Variants in PIGG observed in about 807,000 individuals in gnomAD.
The protein encoded by PIGG is GPI ethanolamine phosphate transferase 2, catalytic subunit.
In PIGG, 70 loss-of-function variants were observed where a neutral mutation model predicts 83.2. That is an observed-to-expected ratio of 0.84 (90% CI 0.69 to 1.03). The LOEUF (loss-of-function observed/expected upper bound fraction) is 1.03. PIGG is among the 50% of genes least tolerant of loss of function. The pLI is 0.00. For synonymous variants in PIGG, 532 were observed against 519.5 expected (o/e 1.02, Z -0.33); for missense variants, 1,257 against 1,233.6 (o/e 1.02, Z -0.28).
chr4:530,558 G>A lies in PIGG; in HGVS notation c.2384G>A (p.Trp795Ter). 1 of 1,613,624 alleles carries A rather than the reference G, an allele frequency of 6.2e-7. No individual in the cohort carries two copies. The highest frequency in any genetic ancestry group is 2.2e-5 in the East Asian group (1 of 44,880). Residue 795 changes from tryptophan (W) to a stop codon, truncating the protein, a stop_gained, in exon 11 of 13, where the codon TGG becomes TAG. Transcript: ENST00000453061. LOFTEE classifies it high-confidence loss of function. ...ADFKLKTVGL[W>*]EIYSGLVLLA... ...TTCAAACTCAAGACTGTAGGTTTAT[G>A]GGAGATATATAGTGGATTAGTTCTT...
At position 507,635 on chromosome 4, in the gene PIGG, C is replaced by A; in HGVS notation, c.759+42C>A. ...CTCACTGTCTGCTGATGTGGTTTCACGTGGATGTTCCCTAGAATAAATGCA... is the reference window on the plus strand; with the variant it reads ...CTCACTGTCTGCTGATGTGGTTTCAAGTGGATGTTCCCTAGAATAAATGCA... On this transcript the variant is annotated intron_variant, in intron 4 of 12. Transcript: ENST00000453061. 4 of 1,514,032 alleles carry A rather than the reference C, an allele frequency of 2.6e-6. 1 individual carries two copies. In the South Asian group the frequency reaches 4.8e-5, roughly 18 times the overall value. The allele number at this position is 1,514,032 out of a possible 1,614,324, so 93.8% of individuals were successfully genotyped here.
intron 6 of PIGG, among the ~76,000 whole-genome samples, chr4:518,287 G>C (rs950156416): frequency 2.0e-5 from 3 of 152,202 alleles, no homozygotes; most frequent in Non-Finnish European, 4.4e-5. Flanking sequence ...TCTACGCTAA[G>C]AGTGATAAAA....
At chr4:511,052 G>C (rs1721729307) in intron 5 of PIGG, among the ~76,000 whole-genome samples, 1 of 152,146 alleles carries the variant, frequency 6.6e-6, no homozygotes, top group Non-Finnish European at 1.5e-5. Context: ...CCAGCACTTT[G>C]GGAGACTGAG....
chr4:517,160 A>T (rs1437758843), intron 6 of PIGG, among the ~76,000 whole-genome samples: 1 of 152,154 alleles, frequency 6.6e-6, no homozygotes, highest in African/African-American at 2.4e-5. Flanking sequence ...TGAGAGCCAG[A>T]GTCTCCCACT....
intron 1 of PIGG, chr4:500,165 A>G: frequency 1.8e-6 from 1 of 555,028 alleles, no homozygotes; most frequent in African/African-American, 1.9e-5. Flanking sequence ...TCTTCACCAT[A>G]CTGAGGATAA....
chr4:530,228 C>A (rs1024530237), intron 10 of PIGG, among the ~76,000 whole-genome samples: 8 of 152,196 alleles, frequency 5.3e-5, no homozygotes, highest in African/African-American at 9.6e-5. Context: ...GGGCCTGTGG[C>A]GGCGGCTCCT....
At chr4:526,033 A>G (rs969643881) in intron 9 of PIGG, among the ~76,000 whole-genome samples, 3 of 152,026 alleles carry the variant, frequency 2.0e-5, no homozygotes, top group African/African-American at 7.2e-5. Flanking sequence ...TCCGCCCCAC[A>G]TGCAAGAGCC....
chr4:519,876 G>A (rs532209026), intron 6 of PIGG, among the ~76,000 whole-genome samples: 134 of 98,884 alleles, frequency 1.4e-3, no homozygotes, highest in Non-Finnish European at 1.7e-3. Flanking sequence ...GCCTGCAGGC[G>A]TGTGGGTTCA....
chr4:510,954 T>C (rs1215014602), intron 5 of PIGG, among the ~76,000 whole-genome samples: 1 of 152,054 alleles, frequency 6.6e-6, no homozygotes, highest in Admixed American at 6.6e-5. Flanking sequence ...GCTTCTTTCA[T>C]GTAGGATAGT....
chr4:522,028 C>G, intron 8 of PIGG, 87 bp downstream of exon 8: 1 of 1,435,776 alleles, frequency 7.0e-7, no homozygotes, highest in African/African-American at 1.4e-5. Flanking sequence ...GTTTACCAGA[C>G]TCTGGTTGAA....
At position 500,410 on chromosome 4, in the gene PIGG, T is replaced by C; in HGVS notation, c.169T>C (p.Trp57Arg). 1 of 1,613,766 alleles carries C rather than the reference T, an allele frequency of 6.2e-7. No individual in the cohort carries two copies. The highest frequency in any genetic ancestry group is 1.7e-4 in the Middle Eastern group (1 of 6,054). ...CAAACACTTAGGAGCCAGTTCTAAC[T>C]GGACCACGCTGCCACCACCTCTCTT... ...PEPSAGASSN[W>R]TTLPPPLFSK... The change falls in exon 2 of 13, where the codon TGG (tryptophan) becomes CGG (arginine). Residue 57 changes from tryptophan (W) to arginine (R), a missense_variant. By Grantham distance (101) the Trp-to-Arg change is moderately radical. Coordinates refer to ENST00000453061, the MANE Select transcript of PIGG (RefSeq NM_001127178.3).
chr4:522,250 C>A (rs113112683), intron 8 of PIGG: 1 of 578,400 alleles, frequency 1.7e-6, no homozygotes, highest in Admixed American at 3.0e-5. Flanking sequence ...AACAAGCCCC[C>A]CCGCTGAGGG....
At chr4:499,598 C>T in intron 1 of PIGG, 109 bp downstream of exon 1, 1 of 1,438,954 alleles carries the variant, frequency 6.9e-7, no homozygotes. Flanking sequence ...CCGGTGGTCT[C>T]TTCCATTATG....
intron 12 of PIGG, among the ~76,000 whole-genome samples, chr4:536,487 G>A (rs1313803827): frequency 2.0e-5 from 3 of 152,248 alleles, no homozygotes; most frequent in African/African-American, 7.2e-5. Context: ...CAACAGACCA[G>A]CTTGGGAGAC....
intron 2 of PIGG, among the ~76,000 whole-genome samples, chr4:503,425 C>G (rs1481284359): frequency 6.6e-6 from 1 of 152,208 alleles, no homozygotes; most frequent in African/African-American, 2.4e-5. Context: ...CCTCTTCATC[C>G]TCATATAGGC....
intron 12 of PIGG, among the ~76,000 whole-genome samples, chr4:538,147 G>A (rs933438207): frequency 3.3e-5 from 5 of 152,214 alleles, no homozygotes; most frequent in Non-Finnish European, 7.3e-5. Context: ...CGTGCCGACA[G>A]GACTGAGGAT....
intron 6 of PIGG, among the ~76,000 whole-genome samples, chr4:519,694 G>C (rs148676665): frequency 0.081 from 12,251 of 151,748 alleles, 551 homozygotes; most frequent in East Asian, 0.19. Context: ...CAGCAGTGGG[G>C]TGGGCCTGCA....
In PIGG at chr4:499,466, C is replaced by G. The variant is rs1192177850; in HGVS notation, c.131C>G (p.Pro44Arg). ...SSARAEHGAE[P>R]PAPEPSAGAS... ...GCCAGAGCGGAACACGGAGCGGAGC[C>G]CCCAGCGCCCGAACCCTCGGCTGGT... Residue 44 changes from proline to arginine, a missense_variant, in exon 1 of 13, where the codon CCC (proline) becomes CGC (arginine). Transcript: ENST00000453061. The G allele has an allele frequency of 1.9e-6, 3 of 1,600,730 alleles. No homozygotes were observed. The highest frequency in any genetic ancestry group is 3.3e-5 in the Admixed American group (2 of 59,848).
rs1386392826 is a variant in PIGG, at chr4:523,729, G to A, written c.1885G>A (p.Asp629Asn). 2 of 1,614,076 alleles carry A rather than the reference G, an allele frequency of 1.2e-6. No individual in the cohort carries two copies. The highest frequency in any genetic ancestry group is 2.7e-5 in the African/African-American group (2 of 74,952). Reference sequence around the variant, plus strand: ...AGCGTGGCAGGACGGGCCTGGCTGTGATGTCCTGGAGCGAGACAAAGGCCA... The same window carrying A: ...AGCGTGGCAGGACGGGCCTGGCTGTAATGTCCTGGAGCGAGACAAAGGCCA... ...TAAWQDGPGC[D>N]VLERDKGHGS... The change falls in exon 9 of 13, where the codon GAT becomes AAT. Residue 629 changes from aspartate to asparagine, a missense_variant. Transcript: ENST00000453061.
Sources: allele counts gnomAD v4.1 joint callset (sites outside exome capture counted in the v4.1 genomes callset), GRCh38; gene constraint gnomAD v4.1.1; transcripts MANE v1.5; gene names NCBI Gene and HGNC (gene_info 2026-07-23, HGNC 2026-07-21).